IL7: variants seen among roughly 807,000 people sequenced by gnomAD.
The protein encoded by IL7 is interleukin-7.
A neutral mutation model predicts 21.6 loss-of-function variants in IL7; 3 were observed. That is an observed-to-expected ratio of 0.14 (90% CI 0.06 to 0.36). The LOEUF is 0.36. IL7 is among the 10% of genes least tolerant of loss of function. The pLI, the probability that IL7 is intolerant of heterozygous loss-of-function variation, is 1.00. For missense variants in IL7, 175 were observed against 200.2 expected, an observed-to-expected ratio of 0.87 and a Z score of 0.76; for synonymous variants, 62 against 68.1, an observed-to-expected ratio of 0.91 and a Z score of 0.44.
intron 2 of IL7, among the ~76,000 whole-genome samples, chr8:78,773,342 A>G (rs905100718): frequency 1.3e-5 from 2 of 152,170 alleles, no homozygotes; most frequent in East Asian, 1.9e-4. Flanking sequence ...ACAGTGGTCC[A>G]GGGCCAGAAA....
At chr8:78,769,305 C>T (rs1812871105) in intron 2 of IL7, among the ~76,000 whole-genome samples, 1 of 152,114 alleles carries the variant, frequency 6.6e-6, no homozygotes, top group African/African-American at 2.4e-5. Flanking sequence ...AGCCCAAAAT[C>T]TCCTTAAGCT....
intron 3 of IL7, among the ~76,000 whole-genome samples, chr8:78,708,524 A>G (rs1810851948): frequency 6.6e-6 from 1 of 151,962 alleles, no homozygotes; most frequent in Admixed American, 6.5e-5. Flanking sequence ...TTAAAAAAAC[A>G]AAAACAAAAA....
At chr8:78,782,496 G>C (rs1313443278) in intron 2 of IL7, among the ~76,000 whole-genome samples, 1 of 152,068 alleles carries the variant, frequency 6.6e-6, no homozygotes, top group Non-Finnish European at 1.5e-5. Context: ...GTTGCTGGGG[G>C]TTCACTCCAG....
intron 3 of IL7, among the ~76,000 whole-genome samples, chr8:78,695,896 C>A (rs1485339070): frequency 6.6e-6 from 1 of 152,102 alleles, no homozygotes; most frequent in Non-Finnish European, 1.5e-5. Flanking sequence ...AATTCACATA[C>A]AGAGTTAGAA....
chr8:78,729,470 A>G (rs1009286488), downstream of IL7, among the ~76,000 whole-genome samples: 1 of 152,042 alleles, frequency 6.6e-6, no homozygotes, highest in African/African-American at 2.4e-5. Context: ...CAATCCTAGT[A>G]TTTAATTTAC....
At chr8:78,684,434 G>A (rs1809889756) in intron 4 of IL7, among the ~76,000 whole-genome samples, 1 of 152,130 alleles carries the variant, frequency 6.6e-6, no homozygotes, top group South Asian at 2.1e-4. Context: ...GGACGGCATG[G>A]GAGAAACCTG....
At chr8:78,696,495 A>G (rs1187526860) in intron 3 of IL7, among the ~76,000 whole-genome samples, 1 of 152,196 alleles carries the variant, frequency 6.6e-6, no homozygotes, top group African/African-American at 2.4e-5. Flanking sequence ...ACCCTGGGCA[A>G]GTTCATTTCT....
chr8:78,775,560 A>G (rs1048584237), intron 2 of IL7, among the ~76,000 whole-genome samples: 1 of 152,136 alleles, frequency 6.6e-6, no homozygotes, highest in African/African-American at 2.4e-5. Context: ...AATTGGAAAA[A>G]TCAGGCTTTC....
chr8:78,688,554 TTTAG>T (rs1378600601), intron 3 of IL7, among the ~76,000 whole-genome samples: 1 of 152,176 alleles, frequency 6.6e-6, no homozygotes, highest in African/African-American at 2.4e-5. Context: ...CAGTGTCTCA[TTTAG>T]TTATTTTACA....
chr8:78,779,659 T>A (rs1378826115), intron 2 of IL7, among the ~76,000 whole-genome samples: 1 of 152,202 alleles, frequency 6.6e-6, no homozygotes, highest in Non-Finnish European at 1.5e-5. Flanking sequence ...CCGAAGATTT[T>A]TGTATTGACG....
intron 3 of IL7, among the ~76,000 whole-genome samples, chr8:78,725,667 A>G (rs1811327301): frequency 6.6e-6 from 1 of 152,062 alleles, no homozygotes; most frequent in Non-Finnish European, 1.5e-5. Context: ...AATATTCAAT[A>G]TACTGAAACA....
At chr8:78,784,920 T>A (rs1467581074) in intron 2 of IL7, among the ~76,000 whole-genome samples, 1 of 152,042 alleles carries the variant, frequency 6.6e-6, no homozygotes, top group African/African-American at 2.4e-5. Flanking sequence ...TTGCCTAAAT[T>A]CTGACATACA....
intron 2 of IL7, among the ~76,000 whole-genome samples, chr8:78,767,716 C>G (rs992371783): frequency 7.2e-5 from 11 of 151,972 alleles, no homozygotes; most frequent in African/African-American, 2.4e-4. Context: ...TTTTATATCA[C>G]CATTTCTCTA....
chr8:78,693,382 C>T (rs1477424084), intron 3 of IL7, among the ~76,000 whole-genome samples: 1 of 152,192 alleles, frequency 6.6e-6, no homozygotes, highest in Non-Finnish European at 1.5e-5. Context: ...TCCACATCCT[C>T]TCCAGCACCT....
intron 2 of IL7, chr8:78,761,527 T>A: frequency 6.2e-7 from 1 of 1,611,964 alleles, no homozygotes; most frequent in Non-Finnish European, 8.5e-7. Flanking sequence ...CTGCATCAGC[T>A]TCATAAGGCA....
intron 4 of IL7, among the ~76,000 whole-genome samples, chr8:78,737,505 C>T (rs1456285149): frequency 6.6e-6 from 1 of 151,906 alleles, no homozygotes; most frequent in Non-Finnish European, 1.5e-5. Flanking sequence ...AACGTAAGGA[C>T]GCAAGTTTGG....
At chr8:78,696,474 G>A (rs918634079) in intron 3 of IL7, among the ~76,000 whole-genome samples, 8 of 152,228 alleles carry the variant, frequency 5.3e-5, no homozygotes, top group Admixed American at 3.3e-4. Context: ...CTGCTGTGAA[G>A]TTGGGGCATA....
intron 5 of IL7, among the ~76,000 whole-genome samples, chr8:78,735,185 GCAC>G (rs1433420048): frequency 6.7e-6 from 1 of 149,714 alleles, no homozygotes; most frequent in Non-Finnish European, 1.5e-5. Flanking sequence ...ACTTTTCCTT[GCAC>G]ACCGAGAATA....
rs1429736495 is a variant in IL7 at position 78,761,657 on chromosome 8, G to T, written c.148-21575C>A. 35 of 1,611,900 alleles carry T rather than the reference G, an allele frequency of 2.2e-5. No individual in the cohort carries two copies. The South Asian group carries it at 2.5e-4, about 12-fold the overall frequency. On this transcript the variant is annotated intron_variant, in intron 2 of 5. Coordinates refer to ENST00000263851, the MANE Select transcript of IL7 (RefSeq NM_000880.4). ...GTCAGTGATAATGGAAAAGACGTGT[G>T]AGTCTCTCACTTCCCTGAGAGTTTC... is the stretch of plus-strand genomic sequence containing the variant.
Sources: gnomAD v4.1 joint callset for allele counts (sites outside exome capture counted in the v4.1 genomes callset) on GRCh38, gnomAD v4.1.1 for gene constraint, MANE v1.5 for transcripts, NCBI Gene and HGNC (gene_info 2026-07-23, HGNC 2026-07-21) for gene names.